PLCG2: variants seen among roughly 807,000 people sequenced by gnomAD.
PLCG2 encodes phospholipase C gamma 2.
Under a neutral mutation model 175.6 loss-of-function variants are expected in PLCG2, and 69 were observed. That is an observed-to-expected ratio of 0.39 (90% CI 0.32 to 0.48). The LOEUF is 0.48. Among genes scored for constraint, PLCG2 ranks in the 20% least tolerant of loss-of-function variants. The pLI, the probability that PLCG2 is intolerant of heterozygous loss-of-function variation, is 0.91. For synonymous variants in PLCG2, 827 were observed against 624.0 expected (o/e 1.33, Z -4.85); for missense variants, 1,798 against 1,650.9 (o/e 1.09, Z -1.54).
In PLCG2 at chr16:81,765,934, C is replaced by A. The variant is rs188872118; in HGVS notation, c.-48+9968C>A. On this transcript the variant is annotated intron_variant, in intron 2 of 5. Transcript: ENST00000565054. ...CCCCACAGGGAGCTAACTCTATTGACGGGGGACCCAGGTAACAGATGCAGG... is the reference window on the plus strand; with the variant it reads ...CCCCACAGGGAGCTAACTCTATTGAAGGGGGACCCAGGTAACAGATGCAGG... 5.6e-4 allele frequency among the ~76,000 whole-genome samples: 85 copies of A among 152,322 alleles called. 2 individuals are homozygous for A. Among genetic ancestry groups the A allele is most frequent in the African/African-American group, 2.0e-3 (83 of 41,576 alleles).
chr16:81,759,452 T>A (rs1360201851), intron 2 of PLCG2, among the ~76,000 whole-genome samples: 1 of 152,246 alleles, frequency 6.6e-6, no homozygotes, highest in Non-Finnish European at 1.5e-5. Flanking sequence ...TCTGCACTGC[T>A]GCAGAATTCT....
At chr16:81,837,938 G>C (rs769584522) in intron 2 of PLCG2, among the ~76,000 whole-genome samples, 1 of 152,024 alleles carries the variant, frequency 6.6e-6, no homozygotes, top group East Asian at 1.9e-4. Flanking sequence ...CCTTGTACTT[G>C]TGTGTATTTA....
At chr16:81,801,058 C>G (rs1041793288) in intron 2 of PLCG2, among the ~76,000 whole-genome samples, 3 of 152,126 alleles carry the variant, frequency 2.0e-5, no homozygotes, top group African/African-American at 4.8e-5. Flanking sequence ...CCAGTGATGC[C>G]TTGATTTTAG....
chr16:81,863,085 T>C (rs1907060884), intron 5 of PLCG2, among the ~76,000 whole-genome samples: 1 of 152,224 alleles, frequency 6.6e-6, no homozygotes, highest in African/African-American at 2.4e-5. Context: ...CGTTCTTAGA[T>C]ATGTACTTCT....
At chr16:81,938,140 G>A (rs762956580) in intron 28 of PLCG2, among the ~76,000 whole-genome samples, 5 of 152,188 alleles carry the variant, frequency 3.3e-5, no homozygotes, top group South Asian at 2.1e-4. Context: ...TGTCCTCTGT[G>A]GGGGTGAGGT....
chr16:81,800,888 G>T (rs767654930), intron 2 of PLCG2, among the ~76,000 whole-genome samples: 5 of 152,072 alleles, frequency 3.3e-5, no homozygotes, highest in African/African-American at 4.8e-5. Context: ...CTTGCAGGAG[G>T]GAGGCAGGAG....
At chr16:81,822,428 C>T (rs951648508) in intron 2 of PLCG2, among the ~76,000 whole-genome samples, 5 of 151,992 alleles carry the variant, frequency 3.3e-5, no homozygotes, top group Admixed American at 1.3e-4. Context: ...TCTGGGTTAC[C>T]CAGGTGGATC....
At chr16:81,746,254 C>G (rs1253820098) in intron 1 of PLCG2, among the ~76,000 whole-genome samples, 1 of 152,240 alleles carries the variant, frequency 6.6e-6, no homozygotes, top group African/African-American at 2.4e-5. Flanking sequence ...ATAACTTCAT[C>G]TACTCGTGAC....
chr16:81,748,458 A>AT (rs1485156441), intron 1 of PLCG2, among the ~76,000 whole-genome samples: 1 of 152,124 alleles, frequency 6.6e-6, no homozygotes, highest in Admixed American at 6.5e-5. Flanking sequence ...AGAATGCTGC[A>AT]TTTTTGTGGA....
At chr16:81,804,077 G>A (rs1245776821) in intron 2 of PLCG2, among the ~76,000 whole-genome samples, 1 of 152,248 alleles carries the variant, frequency 6.6e-6, no homozygotes, top group African/African-American at 2.4e-5. Context: ...TTGCCTAAGA[G>A]TGGAATTCTA....
intron 1 of PLCG2, among the ~76,000 whole-genome samples, chr16:81,741,139 G>A (rs1003321949): frequency 6.6e-6 from 1 of 152,186 alleles, no homozygotes; most frequent in African/African-American, 2.4e-5. Flanking sequence ...CGAGACACTG[G>A]CCCACTCTCA....
chr16:81,834,112 G>A (rs1905389699), intron 2 of PLCG2, among the ~76,000 whole-genome samples: 1 of 152,168 alleles, frequency 6.6e-6, no homozygotes, highest in Non-Finnish European at 1.5e-5. Flanking sequence ...GGTGTCTTTG[G>A]CATCAAAACC....
chr16:81,829,691 T>G (rs1239811756), intron 2 of PLCG2, among the ~76,000 whole-genome samples: 1 of 152,206 alleles, frequency 6.6e-6, no homozygotes, highest in Non-Finnish European at 1.5e-5. Context: ...TTTTGTTTAT[T>G]TCCATCGATA....
intron 7 of PLCG2, among the ~76,000 whole-genome samples, chr16:81,876,019 T>C (rs1907767089): frequency 1.0e-5 from 1 of 98,660 alleles, no homozygotes; most frequent in Non-Finnish European, 2.3e-5. Context: ...TTTCTTTCTT[T>C]TTTTTTTTTT....
At chr16:81,786,448 C>G (rs1011546416) in intron 2 of PLCG2, among the ~76,000 whole-genome samples, 1 of 152,184 alleles carries the variant, frequency 6.6e-6, no homozygotes, top group African/African-American at 2.4e-5. Flanking sequence ...GCTCTCCTTG[C>G]CTGGTGGTTC....
intron 1 of PLCG2, among the ~76,000 whole-genome samples, chr16:81,749,762 A>G (rs1909769823): frequency 6.6e-6 from 1 of 152,242 alleles, no homozygotes; most frequent in Non-Finnish European, 1.5e-5. Context: ...TGTGTCCAGC[A>G]TTTACACAGC....
rs181359761 is a variant in PLCG2 at position 81,920,320 on chromosome 16, C to T, written c.2235+656C>T. Among the ~76,000 whole-genome samples, 5 of 152,212 alleles carry T rather than the reference C, an allele frequency of 3.3e-5. No individual in the cohort carries two copies. The South Asian group carries it at 6.2e-4, about 19-fold the overall frequency. ...TATTGAAGAGAGATTTATGGCATCC[C>T]GATCATGTGCCAAGGACTGTTCTAG... On this transcript the variant is annotated intron_variant, in intron 20 of 32. Coordinates refer to ENST00000564138, the MANE Select transcript of PLCG2 (RefSeq NM_002661.5).
chr16:81,855,253 G>A (rs1412178612), intron 3 of PLCG2, among the ~76,000 whole-genome samples: 1 of 151,768 alleles, frequency 6.6e-6, no homozygotes, highest in Non-Finnish European at 1.5e-5. Context: ...CAGCAGATGT[G>A]GCTCAGCAAA....
chr16:81,914,128 G>A (rs1487941448), intron 19 of PLCG2, among the ~76,000 whole-genome samples: 1 of 152,228 alleles, frequency 6.6e-6, no homozygotes, highest in African/African-American at 2.4e-5. Flanking sequence ...AAAACCTGCT[G>A]TGTGCCAGGC....
Sources: gnomAD v4.1 joint callset for allele counts (sites outside exome capture counted in the v4.1 genomes callset) on GRCh38, gnomAD v4.1.1 for gene constraint, MANE v1.5 for transcripts, NCBI Gene and HGNC (gene_info 2026-07-23, HGNC 2026-07-21) for gene names.